The following CTNNA2 variants were observed in gnomAD, a reference collection of about 807,000 sequenced individuals.
CTNNA2 encodes catenin alpha-2.
In CTNNA2, 42 loss-of-function variants were observed where a neutral mutation model predicts 101.0. The observed-to-expected ratio is 0.42, with a 90% CI of 0.32 to 0.54. The LOEUF is 0.54. Ranked by LOEUF, CTNNA2 falls within the 20% of genes least tolerant of loss-of-function variation. CTNNA2 has a pLI of 0.14. For synonymous variants in CTNNA2, 450 were observed against 456.4 expected (o/e 0.99, Z 0.18); for missense variants, 871 against 1,223.1 (o/e 0.71, Z 4.29).
intron 9 of CTNNA2, among the ~76,000 whole-genome samples, chr2:80,460,254 T>A (rs978473976): frequency 6.6e-6 from 1 of 152,006 alleles, no homozygotes; most frequent in Admixed American, 6.6e-5. Context: ...GAAACTGACA[T>A]AGGTTGTTCC....
At chr2:80,194,125 T>C (rs1222443825) in intron 7 of CTNNA2, among the ~76,000 whole-genome samples, 1 of 152,192 alleles carries the variant, frequency 6.6e-6, no homozygotes, top group Non-Finnish European at 1.5e-5. Flanking sequence ...GTCAAGGCAG[T>C]GTAATTAGTG....
Position 79,976,803 on chromosome 2 carries a change from A to C in CTNNA2, c.1056+67006A>C, listed in dbSNP as rs371828148. ...AGAGTGTTTGGCCAGTTCCTTCCCC[A>C]CTTGGGGCACAGCCACGATAATGCA... On this transcript the variant is annotated intron_variant, in intron 7 of 18. Coordinates refer to ENST00000402739, the MANE Select transcript of CTNNA2 (RefSeq NM_001282597.3). 1.6e-4 allele frequency among the ~76,000 whole-genome samples: 24 copies of C among 152,280 alleles called. No individual in the cohort carries two copies. The East Asian group carries it at 3.7e-3, about 23-fold the overall frequency.
chr2:79,834,032 T>C (rs780357930), intron 3 of CTNNA2, among the ~76,000 whole-genome samples: 8 of 152,178 alleles, frequency 5.3e-5, no homozygotes, highest in Non-Finnish European at 8.8e-5. Context: ...GTTTCCAAGT[T>C]TTGCTTGAAA....
chr2:80,342,604 A>C (rs1000334908), intron 7 of CTNNA2, among the ~76,000 whole-genome samples: 5 of 152,208 alleles, frequency 3.3e-5, no homozygotes, highest in African/African-American at 1.2e-4. Context: ...AAAATGTTTC[A>C]TGCACTGAAA....
chr2:80,321,276 G>C (rs999138990), intron 7 of CTNNA2, among the ~76,000 whole-genome samples: 2 of 152,288 alleles, frequency 1.3e-5, no homozygotes, highest in South Asian at 4.1e-4. Context: ...AGGCTTTGGA[G>C]GTTTCATTGG....
chr2:80,429,324 A>G (rs189065196), intron 9 of CTNNA2, among the ~76,000 whole-genome samples: 5 of 152,234 alleles, frequency 3.3e-5, no homozygotes, highest in African/African-American at 7.2e-5. Flanking sequence ...ATTATTTTTT[A>G]CTTCAAATTA....
intron 7 of CTNNA2, among the ~76,000 whole-genome samples, chr2:80,268,991 G>T (rs1172393415): frequency 6.6e-6 from 1 of 152,172 alleles, no homozygotes; most frequent in Non-Finnish European, 1.5e-5. Flanking sequence ...AGAGATCTAT[G>T]TATTTCAATG....
chr2:79,676,626 C>A (rs1683203907), intron 2 of CTNNA2, among the ~76,000 whole-genome samples: 1 of 152,098 alleles, frequency 6.6e-6, no homozygotes, highest in South Asian at 2.1e-4. Context: ...CCCCTATGGC[C>A]TCTGCCTGAC....
At chr2:79,238,696 G>A (rs1422839538) in intron 2 of CTNNA2, among the ~76,000 whole-genome samples, 2 of 152,152 alleles carry the variant, frequency 1.3e-5, no homozygotes, top group Non-Finnish European at 2.9e-5. Context: ...AAGAAAGAAT[G>A]TCTATGATGT....
intron 1 of CTNNA2, among the ~76,000 whole-genome samples, chr2:79,523,733 C>A (rs757902254): frequency 1.3e-5 from 2 of 151,994 alleles, no homozygotes; most frequent in Non-Finnish European, 2.9e-5. Context: ...ATTTCTTTAC[C>A]CTTTTGCCAA....
At chr2:79,308,044 TC>T (rs1676286315) in intron 2 of CTNNA2, among the ~76,000 whole-genome samples, 1 of 152,294 alleles carries the variant, frequency 6.6e-6, no homozygotes, top group Non-Finnish European at 1.5e-5. Context: ...AGATGATTTG[TC>T]CATTTTTATT....
rs979237068 is a variant in CTNNA2, at chr2:80,364,558, T to A, written c.1057-28653T>A. On this transcript the variant is annotated intron_variant, in intron 7 of 18. Coordinates refer to ENST00000402739, the MANE Select transcript of CTNNA2 (RefSeq NM_001282597.3). Reference sequence around the variant, plus strand: ...GTATTATAATTTGAGAGAAAGTAATTTTTTTTTTTTTTTTTTTTCTGATGG... The same window carrying A: ...GTATTATAATTTGAGAGAAAGTAATATTTTTTTTTTTTTTTTTTCTGATGG... Among the ~76,000 whole-genome samples the A allele has an allele frequency of 4.5e-3, 427 of 95,044 alleles. 2 individuals carry two copies. Among genetic ancestry groups the A allele is most frequent in the African/African-American group, 0.024 (402 of 16,744 alleles). 62.4% of individuals were successfully genotyped at this position (95,044 alleles called of 152,430 possible). A position where few individuals can be genotyped will look rare whatever the true frequency, so the allele number is the denominator to read the frequency against.
At chr2:79,698,263 A>G (rs980258465) in intron 2 of CTNNA2, among the ~76,000 whole-genome samples, 1 of 152,086 alleles carries the variant, frequency 6.6e-6, no homozygotes, top group Non-Finnish European at 1.5e-5. Context: ...GGAATTGTTC[A>G]AGTTCTGTTT....
intron 4 of CTNNA2, among the ~76,000 whole-genome samples, chr2:79,428,894 G>C (rs564128638): frequency 2.2e-4 from 34 of 152,152 alleles, no homozygotes; most frequent in Non-Finnish European, 4.0e-4. Context: ...GCGAATGAGA[G>C]ATCCAGCCTC....
intron 1 of CTNNA2, among the ~76,000 whole-genome samples, chr2:79,650,360 G>A (rs891707877): frequency 6.6e-6 from 1 of 152,090 alleles, no homozygotes; most frequent in Admixed American, 6.6e-5. Flanking sequence ...GTAAATAGTA[G>A]CAGATAATTT....
At chr2:80,189,634 G>T (rs967617908) in intron 7 of CTNNA2, among the ~76,000 whole-genome samples, 1 of 151,456 alleles carries the variant, frequency 6.6e-6, no homozygotes, top group Non-Finnish European at 1.5e-5. Context: ...AATTAGCAAA[G>T]ATGTAGAACC....
intron 1 of CTNNA2, among the ~76,000 whole-genome samples, chr2:79,192,971 C>T (rs1673894863): frequency 6.6e-6 from 1 of 152,124 alleles, no homozygotes; most frequent in Admixed American, 6.6e-5. Context: ...TCATTTCCTC[C>T]TCCCTTCAAG....
At chr2:80,320,202 T>C (rs1228621886) in intron 7 of CTNNA2, among the ~76,000 whole-genome samples, 1 of 152,230 alleles carries the variant, frequency 6.6e-6, no homozygotes, top group Non-Finnish European at 1.5e-5. Context: ...AAGTGATACA[T>C]ACACAGTTGG....
rs535987068 is a variant in CTNNA2 at position 80,230,408 on chromosome 2, A to G, written c.1057-162803A>G. On this transcript the variant is annotated intron_variant, in intron 7 of 18. Transcript: ENST00000402739. The stretch of plus-strand genomic sequence containing the variant: ...ACTGCACTGGTCTATATTCATTATT[A>G]TAAATCAGTATTACAATAATCAACA... 5.9e-5 allele frequency among the ~76,000 whole-genome samples: 9 copies of G among 152,032 alleles called. No individual in the cohort carries two copies. In the East Asian group the frequency reaches 1.7e-3, roughly 29 times the overall value.
Sources: allele counts gnomAD v4.1 joint callset (sites outside exome capture counted in the v4.1 genomes callset), GRCh38; gene constraint gnomAD v4.1.1; transcripts MANE v1.5; gene names NCBI Gene and HGNC (gene_info 2026-07-23, HGNC 2026-07-21).